The following UBE2G1 variants were observed in gnomAD, a reference collection of about 807,000 sequenced individuals.
The protein encoded by UBE2G1 is ubiquitin conjugating enzyme E2 G1.
A neutral mutation model predicts 22.7 loss-of-function variants in UBE2G1; 5 were observed. That is an observed-to-expected ratio of 0.22 (90% confidence interval 0.12 to 0.46). The LOEUF (loss-of-function observed/expected upper bound fraction) is 0.46. UBE2G1 is among the 20% of genes least tolerant of loss of function. The probability of loss-of-function intolerance (pLI) is 0.99; values close to 1 mark genes in which losing one functional copy is unlikely to be tolerated. For synonymous variants in UBE2G1, 74 were observed against 67.5 expected, an observed-to-expected ratio of 1.10 and a Z score of -0.47; for missense variants, 88 against 203.9, an observed-to-expected ratio of 0.43 and a Z score of 3.46.
chr17:4,363,699 T>C (rs1165384199), intron 1 of UBE2G1, among the ~76,000 whole-genome samples: 6 of 152,062 alleles, frequency 3.9e-5, no homozygotes, highest in Non-Finnish European at 5.9e-5. Flanking sequence ...ACGTCTGTAA[T>C]CCCAGCACTT....
intron 5 of UBE2G1, among the ~76,000 whole-genome samples, chr17:4,273,768 C>G (rs192396099): frequency 1.3e-5 from 2 of 152,270 alleles, no homozygotes; most frequent in Admixed American, 1.3e-4. Context: ...CCTATTAGGA[C>G]TGCATCTTTA....
rs147759976 is a variant in UBE2G1, at chr17:4,275,393, G to T, written c.*38-2877C>A. Among the ~76,000 whole-genome samples, 121 of 152,270 alleles carry T rather than the reference G, an allele frequency of 7.9e-4. 1 individual carries two copies. Among genetic ancestry groups the T allele is most frequent in the African/African-American group, 2.7e-3 (113 of 41,546 alleles). On this transcript the variant is annotated intron_variant, in intron 5 of 5. Coordinates refer to ENST00000396981, the MANE Select transcript of UBE2G1 (RefSeq NM_003342.5). The stretch of plus-strand genomic sequence containing the variant: ...ACATTTTAAGCATATCCATTTCGCA[G>T]AATTTATGTTTCAATATTAATTGAA...
intron 1 of UBE2G1, among the ~76,000 whole-genome samples, chr17:4,346,471 G>A (rs1597263772): frequency 7.6e-6 from 1 of 131,676 alleles, no homozygotes; most frequent in Non-Finnish European, 1.5e-5. Flanking sequence ...GTCTCGCGCT[G>A]TTGCCCAGGC....
intron 5 of UBE2G1, among the ~76,000 whole-genome samples, chr17:4,276,114 A>T (rs565676396): frequency 3.9e-5 from 6 of 152,078 alleles, no homozygotes; most frequent in Non-Finnish European, 7.4e-5. Context: ...TTGCAATGTC[A>T]CCAGCAGCCC....
chr17:4,328,353 A>G (rs1340257443), intron 1 of UBE2G1, among the ~76,000 whole-genome samples: 1 of 152,240 alleles, frequency 6.6e-6, no homozygotes. Flanking sequence ...AAATATCAAC[A>G]TACTGGTTTT....
At chr17:4,278,485 T>C (rs1968847120) in intron 5 of UBE2G1, among the ~76,000 whole-genome samples, 1 of 152,202 alleles carries the variant, frequency 6.6e-6, no homozygotes, top group African/African-American at 2.4e-5. Context: ...TCTACCAATT[T>C]GTGTTGGGCT....
At chr17:4,316,777 G>C (rs1969379681) in intron 1 of UBE2G1, among the ~76,000 whole-genome samples, 1 of 151,800 alleles carries the variant, frequency 6.6e-6, no homozygotes, top group Non-Finnish European at 1.5e-5. Context: ...TTAAGGGCAG[G>C]AGTTCAAGAC....
intron 1 of UBE2G1, among the ~76,000 whole-genome samples, chr17:4,363,550 G>A (rs1277865996): frequency 6.6e-6 from 1 of 152,138 alleles, no homozygotes; most frequent in Non-Finnish European, 1.5e-5. Context: ...CAAACGGATA[G>A]GAAATCCTTT....
At chr17:4,347,845 A>G (rs1969797276) in intron 1 of UBE2G1, among the ~76,000 whole-genome samples, 3 of 151,846 alleles carry the variant, frequency 2.0e-5, no homozygotes, top group Admixed American at 6.6e-5. Context: ...TTCTATTATA[A>G]TTGTTTTGGG....
rs963337188 is a variant in UBE2G1 at position 4,343,735 on chromosome 17, C to T, written c.46+22536G>A. On this transcript the variant is annotated intron_variant, in intron 1 of 5. Transcript: ENST00000396981. ...TTCTGAGTAGCTGGGACTACTGGCG[C>T]CCACCACCACGCCCGGCTAATTTTT... is the stretch of plus-strand genomic sequence containing the variant. Among the ~76,000 whole-genome samples the T allele has an allele frequency of 2.0e-5, 3 of 151,844 alleles. No homozygotes were observed. In the East Asian group the frequency reaches 5.9e-4, roughly 30 times the overall value.
chr17:4,278,429 A>C (rs1212129892), intron 5 of UBE2G1, among the ~76,000 whole-genome samples: 1 of 145,032 alleles, frequency 6.9e-6, no homozygotes, highest in East Asian at 2.0e-4. Context: ...CAGCTGATGA[A>C]CTTAAAAAAG....
chr17:4,351,248 T>C (rs1969842087), intron 1 of UBE2G1, among the ~76,000 whole-genome samples: 1 of 152,126 alleles, frequency 6.6e-6, no homozygotes, highest in Non-Finnish European at 1.5e-5. Context: ...CACTGTACTA[T>C]TCTCACAGTT....
At chr17:4,333,899 GTTCACAGTT>G (rs1366324167) in intron 1 of UBE2G1, among the ~76,000 whole-genome samples, 3 of 152,058 alleles carry the variant, frequency 2.0e-5, no homozygotes, top group African/African-American at 7.2e-5. Flanking sequence ...AGTTGTACAC[GTTCACAGTT>G]TTCACTATTC....
chr17:4,348,842 CACA>C (rs1248708060), intron 1 of UBE2G1, among the ~76,000 whole-genome samples: 2 of 150,204 alleles, frequency 1.3e-5, no homozygotes, highest in Non-Finnish European at 3.0e-5. Context: ...GCCTGGGAGA[CACA>C]ACAAGACTCC....
At chr17:4,326,925 G>A (rs147182269) in intron 1 of UBE2G1, among the ~76,000 whole-genome samples, 5 of 152,328 alleles carry the variant, frequency 3.3e-5, no homozygotes, top group African/African-American at 1.2e-4. Flanking sequence ...CACTTGGGAG[G>A]CCAAGGTGGG....
At chr17:4,300,829 T>C (rs1466684635) in intron 2 of UBE2G1, among the ~76,000 whole-genome samples, 1 of 151,244 alleles carries the variant, frequency 6.6e-6, no homozygotes, top group African/African-American at 2.4e-5. Context: ...CCAGGCATGG[T>C]GACAGGTGCC....
chr17:4,283,893 A>G (rs1192008726), intron 4 of UBE2G1, among the ~76,000 whole-genome samples: 2 of 152,122 alleles, frequency 1.3e-5, no homozygotes, highest in Non-Finnish European at 2.9e-5. Context: ...GCTCACGCCT[A>G]TAATCTCAGC....
chr17:4,300,946 A>AAG lies in UBE2G1; in HGVS notation c.150-4134_150-4133dup, dbSNP rs1555520733. On this transcript the variant is annotated intron_variant, in intron 2 of 5. Transcript: ENST00000396981. The stretch of plus-strand genomic sequence containing the variant: ...AGACTCTGTTTTCAAACAAAAAAAA[A>AAG]AGAGAGAGAGAGATATGTAACCAGC... Among the ~76,000 whole-genome samples, 198 of 151,612 alleles carry AAG rather than the reference A, an allele frequency of 1.3e-3. 1 individual carries two copies. Among genetic ancestry groups the AAG allele is most frequent in the African/African-American group, 4.5e-3 (185 of 41,164 alleles).
chr17:4,320,509 G>T (rs998548472), intron 1 of UBE2G1, among the ~76,000 whole-genome samples: 3 of 152,114 alleles, frequency 2.0e-5, no homozygotes, highest in Admixed American at 1.3e-4. Context: ...ATTTCAGCCC[G>T]CATGCATGCA....
Sources: gnomAD v4.1 joint callset for allele counts (sites outside exome capture counted in the v4.1 genomes callset) on GRCh38, gnomAD v4.1.1 for gene constraint, MANE v1.5 for transcripts, NCBI Gene and HGNC (gene_info 2026-07-23, HGNC 2026-07-21) for gene names.